Variants in RELN observed in about 807,000 individuals in gnomAD.
RELN encodes the protein reelin.
A neutral mutation model predicts 427.6 loss-of-function variants in RELN; 108 were observed. The ratio of observed to expected loss-of-function variants is 0.25; its 90% CI spans 0.22 to 0.30. RELN has a LOEUF of 0.30. RELN is among the 10% of genes least tolerant of loss of function. RELN has a pLI of 1.00. For missense variants in RELN, 3,715 were observed against 4,302.8 expected (o/e 0.86, Z 3.82); for synonymous variants, 1,524 against 1,513.4 (o/e 1.01, Z -0.16).
At chr7:103,966,477 A>G (rs977805857) in intron 1 of RELN, among the ~76,000 whole-genome samples, 1 of 152,248 alleles carries the variant, frequency 6.6e-6, no homozygotes, top group Non-Finnish European at 1.5e-5. Context: ...GAGGTGGTCC[A>G]GGTACAGAAT....
intron 1 of RELN, among the ~76,000 whole-genome samples, chr7:103,917,654 C>A (rs909319304): frequency 6.6e-6 from 1 of 151,134 alleles, no homozygotes; most frequent in Non-Finnish European, 1.5e-5. Flanking sequence ...GTCCATATTT[C>A]AAAGATGAGT....
At chr7:103,926,970 C>A (rs914749641) in intron 1 of RELN, among the ~76,000 whole-genome samples, 1 of 152,134 alleles carries the variant, frequency 6.6e-6, no homozygotes, top group African/African-American at 2.4e-5. Context: ...AGTTTTTCTA[C>A]AGTATTCTCT....
chr7:103,651,715 C>T lies in RELN; in HGVS notation c.1838G>A (p.Cys613Tyr). ...GCTGTGGGGGAGGTGGGGTCCAGCA[C>T]AGATCTCAGGTAAGCATTCAGTGTG... The part of the protein sequence containing the change: ...LLHTECLPEI[C>Y]AGPHLPHSTV... Residue 613 changes from cysteine (C) to tyrosine (Y), a missense_variant, in exon 15 of 65, where the codon TGT (cysteine) becomes TAT (tyrosine). This residue lies in a region of RELN where 2,208 missense variants were observed against 2,361.7 expected (regional missense o/e 0.93). Transcript: ENST00000428762. 4 of 1,612,066 alleles carry T rather than the reference C, an allele frequency of 2.5e-6. No individual in the cohort carries two copies. The highest frequency in any genetic ancestry group is 3.4e-6 in the Non-Finnish European group (4 of 1,178,780).
chr7:103,520,966 T>TTTA (rs1829690930), intron 48 of RELN, among the ~76,000 whole-genome samples: 1 of 113,154 alleles, frequency 8.8e-6, no homozygotes, highest in African/African-American at 3.2e-5. Context: ...TATTTTTTTT[T>TTTA]TTTTTTTTTT....
chr7:103,752,219 G>A (rs1791020878), intron 5 of RELN, among the ~76,000 whole-genome samples: 1 of 152,136 alleles, frequency 6.6e-6, no homozygotes, highest in Admixed American at 6.5e-5. Flanking sequence ...GGCACAGAGA[G>A]GTTAAGTAAC....
chr7:103,564,115 A>G (rs1356054821), intron 34 of RELN, among the ~76,000 whole-genome samples: 2 of 152,258 alleles, frequency 1.3e-5, no homozygotes, highest in Non-Finnish European at 2.9e-5. Flanking sequence ...TAGATATTCA[A>G]TAAGTGTTTG....
intron 49 of RELN, among the ~76,000 whole-genome samples, chr7:103,515,902 G>A (rs1378259947): frequency 2.0e-5 from 3 of 152,310 alleles, no homozygotes; most frequent in Non-Finnish European, 4.4e-5. Context: ...ACTGGATTGT[G>A]GGAGGACATT....
chr7:103,865,898 T>C (rs1322606565), intron 2 of RELN, among the ~76,000 whole-genome samples: 2 of 152,240 alleles, frequency 1.3e-5, no homozygotes, highest in Admixed American at 6.5e-5. Context: ...GTATTTATTG[T>C]GAAAGGCAAA....
intron 2 of RELN, among the ~76,000 whole-genome samples, chr7:103,863,408 C>T (rs1275899594): frequency 6.6e-6 from 1 of 152,102 alleles, no homozygotes; most frequent in Admixed American, 6.6e-5. Flanking sequence ...AGTGATTTGT[C>T]CAAGGACACA....
Position 103,498,110 on chromosome 7 carries a change from G to A in RELN, c.8810C>T (p.Ala2937Val), listed in dbSNP as rs765433534. 7 of 1,613,988 alleles carry A rather than the reference G, an allele frequency of 4.3e-6. No homozygotes were observed. Among genetic ancestry groups the A allele is most frequent in the Admixed American group, 1.7e-5 (1 of 59,996 alleles). Residue 2937 changes from alanine (A) to valine (V), a missense_variant, in exon 54 of 65, where the codon GCG becomes GTG. Coordinates refer to ENST00000428762, the MANE Select transcript of RELN (RefSeq NM_005045.4). ...LYFGGSTVRQ[A>V]VTQDLDLRGA... ...TCGAAGATCCAAATCTTGTGTAACC[G>A]CTTGTCTCACAGTGGATCCCCCAAA...
intron 4 of RELN, among the ~76,000 whole-genome samples, chr7:103,761,263 G>C (rs987299973): frequency 2.6e-5 from 4 of 152,040 alleles, no homozygotes; most frequent in Non-Finnish European, 5.9e-5. Context: ...TATTCCAATA[G>C]GAGCTATAAA....
chr7:103,650,527 ATTTG>A (rs1832893268), intron 15 of RELN, 144 bp from the exon 16 acceptor site: 2 of 713,010 alleles, frequency 2.8e-6, no homozygotes, highest in Non-Finnish European at 2.6e-6. Context: ...CACTTGTGGA[ATTTG>A]TTTGTATCTT....
intron 29 of RELN, 128 bp from the exon 30 acceptor site, chr7:103,574,427 T>G: frequency 1.3e-6 from 1 of 784,192 alleles, no homozygotes. Context: ...ACATGAAAAT[T>G]TGTATCTCAC....
intron 20 of RELN, among the ~76,000 whole-genome samples, chr7:103,627,711 A>T (rs1039870824): frequency 2.6e-5 from 4 of 152,192 alleles, no homozygotes; most frequent in Admixed American, 1.3e-4. Context: ...TAAAACTCCT[A>T]TGGTGCTGCT....
At chr7:103,481,417 G>A (rs1828232262) in intron 63 of RELN, among the ~76,000 whole-genome samples, 1 of 152,192 alleles carries the variant, frequency 6.6e-6, no homozygotes, top group South Asian at 2.1e-4. Flanking sequence ...CCCCATTAAT[G>A]CAAATTGTAT....
At chr7:103,791,301 T>C (rs112808038) in intron 3 of RELN, among the ~76,000 whole-genome samples, 3 of 152,230 alleles carry the variant, frequency 2.0e-5, no homozygotes, top group African/African-American at 7.2e-5. Flanking sequence ...AAAATAATCA[T>C]GATAAAGAAG....
chr7:103,687,103 T>C (rs968352253), intron 10 of RELN, among the ~76,000 whole-genome samples: 1 of 152,180 alleles, frequency 6.6e-6, no homozygotes, highest in East Asian at 1.9e-4. Context: ...TTTTAAAGAT[T>C]CAATTTATGG....
In RELN at chr7:103,869,648, T is replaced by A. The variant is rs148655830; in HGVS notation, c.338-35976A>T. On this transcript the variant is annotated intron_variant, in intron 2 of 64. Transcript: ENST00000428762. ...AGCACTTTTATTTACGTGTAAGTTA[T>A]CTTTCTTCCTCTGGCTGCTTTAAAT... is the stretch of plus-strand genomic sequence containing the variant. Among the ~76,000 whole-genome samples, 48 of 152,244 alleles carry A rather than the reference T, an allele frequency of 3.2e-4. No homozygotes were observed. The East Asian group carries it at 8.9e-3, about 28-fold the overall frequency.
intron 26 of RELN, 70 bp downstream of exon 26, chr7:103,594,251 G>A (rs1831486741): frequency 6.9e-7 from 1 of 1,438,926 alleles, no homozygotes; most frequent in African/African-American, 1.4e-5. Context: ...AATCCTTAAG[G>A]AAATGAGTTC....
Sources: allele counts gnomAD v4.1 joint callset (sites outside exome capture counted in the v4.1 genomes callset), GRCh38; gene constraint gnomAD v4.1.1; regional missense constraint gnomAD v4.1.1; transcripts MANE v1.5; gene names NCBI Gene and HGNC (gene_info 2026-07-23, HGNC 2026-07-21).